LHFPL3: variants seen among roughly 807,000 people sequenced by gnomAD.
The protein encoded by LHFPL3 is LHFPL tetraspan subfamily member 3 protein.
Under a neutral mutation model 19.3 loss-of-function variants are expected in LHFPL3, and 5 were observed. That is an observed-to-expected ratio of 0.26 (90% CI 0.14 to 0.54). The LOEUF is 0.54. Among genes scored for constraint, LHFPL3 ranks in the 20% least tolerant of loss-of-function variants. The pLI is 0.94. For missense variants in LHFPL3, 249 were observed against 307.4 expected, an observed-to-expected ratio of 0.81 and a Z score of 1.42; for synonymous variants, 133 against 126.2, an observed-to-expected ratio of 1.05 and a Z score of -0.36.
intron 1 of LHFPL3, among the ~76,000 whole-genome samples, chr7:104,684,898 C>T (rs955282229): frequency 1.4e-4 from 22 of 152,168 alleles, no homozygotes; most frequent in Non-Finnish European, 2.9e-4. Context: ...TCTCCACCGC[C>T]CAGGGCACCA....
intron 1 of LHFPL3, among the ~76,000 whole-genome samples, chr7:104,559,698 C>T (rs1355248487): frequency 6.6e-6 from 1 of 152,158 alleles, no homozygotes; most frequent in South Asian, 2.1e-4. Flanking sequence ...ATTGCCCTGG[C>T]CAGAACTTCC....
At chr7:104,788,365 G>A (rs1789962714) in intron 2 of LHFPL3, among the ~76,000 whole-genome samples, 1 of 152,196 alleles carries the variant, frequency 6.6e-6, no homozygotes. Flanking sequence ...GCCAGCGACA[G>A]CCTCTCAGAC....
chr7:104,346,779 T>C (rs1790075135), intron 1 of LHFPL3, among the ~76,000 whole-genome samples: 3 of 151,892 alleles, frequency 2.0e-5, no homozygotes, highest in Non-Finnish European at 4.4e-5. Context: ...TCCTTCCCTA[T>C]TGCATTCCTT....
intron 1 of LHFPL3, among the ~76,000 whole-genome samples, chr7:104,734,529 C>T (rs186914278): frequency 6.6e-6 from 1 of 152,212 alleles, no homozygotes; most frequent in Non-Finnish European, 1.5e-5. Context: ...GAAGCTTGTG[C>T]ATTCGTCACA....
chr7:104,667,350 G>C lies in LHFPL3; in HGVS notation c.446-69325G>C, dbSNP rs535175537. On this transcript the variant is annotated intron_variant, in intron 1 of 2. Coordinates refer to ENST00000424859, the MANE Select transcript of LHFPL3 (RefSeq NM_199000.3). ...TTTTATGGTGGCTATGCCCACTCTTGCATTCACAAATCACTTTCACCCTCC... is the reference window on the plus strand; with the variant it reads ...TTTTATGGTGGCTATGCCCACTCTTCCATTCACAAATCACTTTCACCCTCC... Among the ~76,000 whole-genome samples the C allele has an allele frequency of 6.6e-5, 10 of 152,002 alleles. No homozygotes were observed. The South Asian group carries it at 2.1e-3, about 32-fold the overall frequency.
intron 2 of LHFPL3, among the ~76,000 whole-genome samples, chr7:104,877,655 C>G (rs1394007063): frequency 6.6e-6 from 1 of 152,084 alleles, no homozygotes; most frequent in East Asian, 1.9e-4. Context: ...GTGAAACTCT[C>G]ATACATTGCG....
intron 1 of LHFPL3, among the ~76,000 whole-genome samples, chr7:104,373,876 A>G (rs1264284141): frequency 6.6e-6 from 1 of 152,224 alleles, no homozygotes; most frequent in Non-Finnish European, 1.5e-5. Flanking sequence ...ATTTTCCCCC[A>G]TAGAGGATGG....
intron 1 of LHFPL3, among the ~76,000 whole-genome samples, chr7:104,406,328 G>A (rs1189654483): frequency 6.6e-6 from 1 of 152,200 alleles, no homozygotes; most frequent in Non-Finnish European, 1.5e-5. Flanking sequence ...TTTACCTGTG[G>A]AATGTAGGCC....
chr7:104,492,268 AG>A (rs1336639730), intron 1 of LHFPL3, among the ~76,000 whole-genome samples: 3 of 83,370 alleles, frequency 3.6e-5, no homozygotes, highest in African/African-American at 7.6e-5. Flanking sequence ...ACTAGTTAAC[AG>A]GAAATAATAT....
At chr7:104,891,381 G>A (rs1293636349) in intron 2 of LHFPL3, among the ~76,000 whole-genome samples, 1 of 151,974 alleles carries the variant, frequency 6.6e-6, no homozygotes, top group Admixed American at 6.6e-5. Context: ...CTGGAAAGCA[G>A]GCTGAATATC....
chr7:104,810,894 A>G (rs1790452494), intron 2 of LHFPL3, among the ~76,000 whole-genome samples: 1 of 152,234 alleles, frequency 6.6e-6, no homozygotes, highest in Admixed American at 6.5e-5. Context: ...TTATCACTCT[A>G]TGGTGTTTAA....
chr7:104,559,836 T>A (rs1208911867), intron 1 of LHFPL3, among the ~76,000 whole-genome samples: 2 of 146,932 alleles, frequency 1.4e-5, no homozygotes, highest in Non-Finnish European at 3.0e-5. Flanking sequence ...ATAGCTCTTA[T>A]TATTTTGAAA....
intron 1 of LHFPL3, among the ~76,000 whole-genome samples, chr7:104,506,409 C>A (rs1448509191): frequency 1.3e-5 from 2 of 152,158 alleles, no homozygotes; most frequent in East Asian, 3.9e-4. Flanking sequence ...CAAGTGTTCC[C>A]ATGACATTGC....
At chr7:104,331,908 C>T (rs760726689) in intron 1 of LHFPL3, among the ~76,000 whole-genome samples, 9 of 151,760 alleles carry the variant, frequency 5.9e-5, no homozygotes, top group Admixed American at 1.3e-4. Context: ...CGAGATTGCA[C>T]CAGTGCACTC....
At chr7:104,774,169 T>A (rs1360769465) in intron 2 of LHFPL3, among the ~76,000 whole-genome samples, 1 of 152,200 alleles carries the variant, frequency 6.6e-6, no homozygotes, top group Non-Finnish European at 1.5e-5. Flanking sequence ...GAGAGAAAGG[T>A]GGCAGAAGGA....
chr7:104,881,038 C>G (rs934992065), intron 2 of LHFPL3, among the ~76,000 whole-genome samples: 5 of 151,942 alleles, frequency 3.3e-5, no homozygotes, highest in African/African-American at 1.2e-4. Flanking sequence ...GGCGTGCTAG[C>G]AGGCACCTGT....
chr7:104,788,132 A>G lies in LHFPL3; in HGVS notation c.682+51221A>G, dbSNP rs559413678. Among the ~76,000 whole-genome samples the G allele has an allele frequency of 7.2e-5, 11 of 152,282 alleles. No individual in the cohort carries two copies. The East Asian group carries it at 2.1e-3, about 29-fold the overall frequency. ...TATTTCTGCTCACGCGTGGGGGAAA[A>G]CATAATTTCTTTATGAGGAGTACTC... On this transcript the variant is annotated intron_variant, in intron 2 of 2. Coordinates refer to ENST00000424859, the MANE Select transcript of LHFPL3 (RefSeq NM_199000.3).
chr7:104,421,450 T>C (rs1179999515), intron 1 of LHFPL3, among the ~76,000 whole-genome samples: 2 of 151,994 alleles, frequency 1.3e-5, no homozygotes, highest in Non-Finnish European at 2.9e-5. Context: ...TAGGGAGATA[T>C]GAGATGCGGT....
chr7:104,620,399 G>T (rs187050932), intron 1 of LHFPL3, among the ~76,000 whole-genome samples: 2 of 152,196 alleles, frequency 1.3e-5, no homozygotes, highest in Admixed American at 1.3e-4. Flanking sequence ...TATATAGGTT[G>T]TTAAATATTT....
Sources: gnomAD v4.1 joint callset for allele counts (sites outside exome capture counted in the v4.1 genomes callset) on GRCh38, gnomAD v4.1.1 for gene constraint, MANE v1.5 for transcripts, NCBI Gene and HGNC (gene_info 2026-07-23, HGNC 2026-07-21) for gene names.